Variants in NVL observed in about 807,000 individuals in gnomAD.
The protein encoded by NVL is nuclear valosin-containing protein-like.
A neutral mutation model predicts 110.2 loss-of-function variants in NVL; 84 were observed. The observed-to-expected ratio is 0.76, with a 90% CI of 0.64 to 0.91. NVL has a LOEUF of 0.91. NVL is among the 40% of genes least tolerant of loss of function. The probability of loss-of-function intolerance (pLI) is 0.00; values close to 1 mark genes in which losing one functional copy is unlikely to be tolerated. For synonymous variants in NVL, 354 were observed against 361.1 expected, an observed-to-expected ratio of 0.98 and a Z score of 0.22; for missense variants, 882 against 1,035.9, an observed-to-expected ratio of 0.85 and a Z score of 2.04.
chr1:224,318,066 T>A (rs1670268366), intron 2 of NVL, 136 bp from the exon 3 acceptor site: 2 of 533,994 alleles, frequency 3.7e-6, no homozygotes, highest in Admixed American at 7.7e-5. Context: ...AACCCTATTT[T>A]CAAACTTCTA....
intron 22 of NVL, among the ~76,000 whole-genome samples, chr1:224,228,329 G>A (rs1659421465): frequency 6.6e-6 from 1 of 152,002 alleles, no homozygotes; most frequent in African/African-American, 2.4e-5. Context: ...TTTTGAAACG[G>A]AGTCTCACTC....
chr1:224,254,776 G>A (rs72755955), intron 18 of NVL, among the ~76,000 whole-genome samples: 10,127 of 151,536 alleles, frequency 0.067, 589 homozygotes, highest in East Asian at 0.23. Flanking sequence ...ACTGACACAG[G>A]CATTACCTCA....
At chr1:224,251,982 T>A (rs1415570218) in intron 18 of NVL, among the ~76,000 whole-genome samples, 2 of 152,206 alleles carry the variant, frequency 1.3e-5, no homozygotes, top group Admixed American at 1.3e-4. Flanking sequence ...CCGCTCCCAC[T>A]GCAGAATGAA....
At chr1:224,319,441 G>A (rs979878656) in intron 2 of NVL, among the ~76,000 whole-genome samples, 6 of 151,996 alleles carry the variant, frequency 3.9e-5, no homozygotes, top group South Asian at 4.2e-4. Context: ...CTGAGTAGCT[G>A]GGACTACAGG....
At chr1:224,321,275 TAAAC>T (rs1670617294) in intron 2 of NVL, among the ~76,000 whole-genome samples, 2 of 152,118 alleles carry the variant, frequency 1.3e-5, no homozygotes, top group South Asian at 4.1e-4. Context: ...AATTAAAAAT[TAAAC>T]AAAGAGAGAA....
chr1:224,298,849 T>G (rs1185862570), intron 10 of NVL, among the ~76,000 whole-genome samples: 1 of 152,180 alleles, frequency 6.6e-6, no homozygotes, highest in East Asian at 1.9e-4. Flanking sequence ...TGTACTGGTT[T>G]GAAGATAGTC....
Position 224,268,037 on chromosome 1 carries a change from G to A in NVL, c.2179C>T (p.Pro727Ser), listed in dbSNP as rs1487588569. The change falls in exon 18 of 23, where the codon CCA becomes TCA. Residue 727 changes from proline (P) to serine (S), a missense_variant. Coordinates refer to ENST00000281701, the MANE Select transcript of NVL (RefSeq NM_002533.4). Reference protein sequence around the residue: ...QVFIMAATNRPDIIDPAILRP... With the variant: ...QVFIMAATNRSDIIDPAILRP... Reference sequence around the variant, plus strand: ...TTACAATATTTTTATTTCTTACCTGGCCTGTTAGTGGCTGCCATAATAAAA... The same window carrying A: ...TTACAATATTTTTATTTCTTACCTGACCTGTTAGTGGCTGCCATAATAAAA... The A allele has an allele frequency of 6.2e-7, 1 of 1,607,136 alleles. No individual in the cohort carries two copies. The highest frequency in any genetic ancestry group is 1.3e-5 in the African/African-American group (1 of 74,612).
chr1:224,237,272 T>C (rs113517561), intron 19 of NVL, among the ~76,000 whole-genome samples: 1 of 152,296 alleles, frequency 6.6e-6, no homozygotes, highest in African/African-American at 2.4e-5. Flanking sequence ...GAAATAATAC[T>C]GAACCTGGCC....
At chr1:224,251,775 C>A (rs1299589062) in intron 18 of NVL, among the ~76,000 whole-genome samples, 1 of 152,152 alleles carries the variant, frequency 6.6e-6, no homozygotes, top group Non-Finnish European at 1.5e-5. Context: ...CCCCACCCTA[C>A]CTCCCAAATA....
chr1:224,284,616 G>A (rs1666679999), intron 15 of NVL, among the ~76,000 whole-genome samples: 1 of 152,116 alleles, frequency 6.6e-6, no homozygotes, highest in Admixed American at 6.5e-5. Flanking sequence ...ATGGCCTCAA[G>A]TGATCCACCC....
rs1025081146 is a variant in NVL at position 224,233,439 on chromosome 1, A to G, written c.2367-150T>C. On this transcript the variant is annotated intron_variant, in intron 20 of 22. Transcript: ENST00000281701. ...TGAGAAATAAATTGATTATCAATCA[A>G]TAGAAAAGAGCTCTTAGCTTTTATA... is the stretch of plus-strand genomic sequence containing the variant. 40 of 571,142 alleles carry G rather than the reference A, an allele frequency of 7.0e-5. No individual in the cohort carries two copies. The South Asian group carries it at 1.1e-3, about 15-fold the overall frequency. 35.4% of individuals were successfully genotyped at this position (571,142 alleles called of 1,614,324 possible). A position where few individuals can be genotyped will look rare whatever the true frequency, so the allele number is the denominator to read the frequency against.
chr1:224,263,875 T>G (rs995148798), intron 18 of NVL, among the ~76,000 whole-genome samples: 2 of 151,954 alleles, frequency 1.3e-5, no homozygotes, highest in Non-Finnish European at 2.9e-5. Flanking sequence ...ATTAGCCGGG[T>G]GTGGTGGCAC....
chr1:224,253,731 C>CAAAA (rs770232348), intron 18 of NVL, among the ~76,000 whole-genome samples: 7 of 55,780 alleles, frequency 1.3e-4, no homozygotes, highest in Non-Finnish European at 2.2e-4. Context: ...GGCTCGGTCT[C>CAAAA]AAAAAAAAAA....
intron 11 of NVL, 22 bp downstream of exon 11, chr1:224,296,478 TG>T: frequency 2.4e-6 from 3 of 1,239,056 alleles, no homozygotes; most frequent in Non-Finnish European, 3.4e-6. Flanking sequence ...TCTCTTAAAA[TG>T]AATTTATTAT....
intron 16 of NVL, 118 bp from the exon 17 acceptor site, chr1:224,275,576 TA>T: frequency 7.7e-7 from 1 of 1,305,854 alleles, no homozygotes; most frequent in African/African-American, 1.5e-5. Context: ...GTCCAGAAAG[TA>T]TCAGAATGAA....
In NVL at chr1:224,305,110, C is replaced by A. The variant is rs757609902; in HGVS notation, c.672G>T (p.Lys224Asn). The A allele has an allele frequency of 1.2e-6, 2 of 1,613,670 alleles. No individual in the cohort carries two copies. Among genetic ancestry groups the A allele is most frequent in the Non-Finnish European group, 1.7e-6 (2 of 1,179,864 alleles). Residue 224 changes from lysine (K) to asparagine (N), a missense_variant, in exon 7 of 23, where the codon AAG becomes AAT. Lys to Asn is a moderately conservative substitution (Grantham distance 94, BLOSUM62 0). Transcript: ENST00000281701. ...CTTTCTTCCTTTTGCTTCCTTTATT[C>A]TTTAGCTTGCCTTTCCGTTTCATAT... ...ESDMKRKGKL[K>N]NKGSKRKKED...
Position 224,330,104 on chromosome 1 carries a change from GA to G in NVL, c.23del (p.Phe8SerfsTer28). MKPRPAG[F>X]VDNKLKQRVI... ...CTCGCTGCTTGAGTTTATTATCCAC[GA>G]ACCCTGCAGGTCTGGGCTTCATCGC... On this transcript the variant is annotated frameshift_variant, in exon 1 of 23. Transcript: ENST00000281701. LOFTEE classifies it high-confidence loss of function. 1 of 1,614,072 alleles carries G rather than the reference GA, an allele frequency of 6.2e-7. No homozygotes were observed. The highest frequency in any genetic ancestry group is 8.5e-7 in the Non-Finnish European group (1 of 1,179,992).
intron 16 of NVL, among the ~76,000 whole-genome samples, chr1:224,276,892 T>C (rs1026011626): frequency 1.3e-5 from 2 of 150,766 alleles, no homozygotes; most frequent in African/African-American, 2.5e-5. Context: ...CTTATCCTCA[T>C]CCTGATACTT....
chr1:224,294,081 T>C (rs543077569), intron 12 of NVL, among the ~76,000 whole-genome samples, 186 bp downstream of exon 12: 1 of 152,228 alleles, frequency 6.6e-6, no homozygotes, highest in Admixed American at 6.5e-5. Flanking sequence ...ATTACAGGCA[T>C]GAGCCACTGC....
Sources: gnomAD v4.1 joint callset for allele counts (sites outside exome capture counted in the v4.1 genomes callset) on GRCh38, gnomAD v4.1.1 for gene constraint, MANE v1.5 for transcripts, NCBI Gene and HGNC (gene_info 2026-07-23, HGNC 2026-07-21) for gene names.